Variants in TESC observed in about 807,000 individuals in gnomAD.
The protein encoded by TESC is calcineurin B homologous protein 3.
In TESC, 19 loss-of-function variants were observed where a neutral mutation model predicts 31.0. The observed-to-expected ratio is 0.61, with a 90% CI of 0.43 to 0.90. TESC has a LOEUF of 0.90. Among genes scored for constraint, TESC ranks in the 40% least tolerant of loss-of-function variants. The pLI is 0.00. For synonymous variants in TESC, 109 were observed against 114.8 expected, an observed-to-expected ratio of 0.95 and a Z score of 0.32; for missense variants, 248 against 303.8, an observed-to-expected ratio of 0.82 and a Z score of 1.36.
chr12:117,098,240 G>C (rs1955421237), intron 1 of TESC, among the ~76,000 whole-genome samples: 2 of 152,202 alleles, frequency 1.3e-5, no homozygotes, highest in South Asian at 4.1e-4. Flanking sequence ...TTTCCTGAGC[G>C]TCTACCAGGT....
chr12:117,048,424 AG>A (rs1277076139), intron 4 of TESC, among the ~76,000 whole-genome samples: 1 of 152,200 alleles, frequency 6.6e-6, no homozygotes, highest in Non-Finnish European at 1.5e-5. Context: ...GAGGGATGTC[AG>A]GAGTCATGGG....
intron 2 of TESC, among the ~76,000 whole-genome samples, chr12:117,064,472 C>T (rs543274616): frequency 1.2e-4 from 18 of 152,324 alleles, no homozygotes; most frequent in African/African-American, 3.6e-4. Flanking sequence ...GTCAGTCCCC[C>T]ACTTTCCCCA....
At chr12:117,083,205 C>A (rs1044395903) in intron 1 of TESC, among the ~76,000 whole-genome samples, 24 of 152,262 alleles carry the variant, frequency 1.6e-4, no homozygotes, top group Admixed American at 5.2e-4. Context: ...CCTGCCTCAG[C>A]CTCCCCGCAC....
intron 7 of TESC, among the ~76,000 whole-genome samples, chr12:117,040,951 ACTTC>A (rs1187464486): frequency 8.1e-6 from 1 of 124,026 alleles, no homozygotes; most frequent in African/African-American, 3.3e-5. Flanking sequence ...TGCTCCCCTG[ACTTC>A]CTTGTCTTCC....
At chr12:117,097,529 G>A (rs1043017299) in intron 1 of TESC, among the ~76,000 whole-genome samples, 2 of 152,210 alleles carry the variant, frequency 1.3e-5, no homozygotes, top group Non-Finnish European at 2.9e-5. Flanking sequence ...ATTCAAAGCA[G>A]TGGGAGGCGA....
chr12:117,059,805 T>TGGTCAGGA (rs993338098), intron 2 of TESC, among the ~76,000 whole-genome samples: 101 of 152,288 alleles, frequency 6.6e-4, no homozygotes, highest in African/African-American at 2.2e-3. Flanking sequence ...TTGGCCAGGC[T>TGGTCAGGA]GGTCTCAAAC....
chr12:117,075,885 A>ATATATATATATATATATATGTGTGTG (rs1565971489), intron 1 of TESC, among the ~76,000 whole-genome samples: 1 of 46,258 alleles, frequency 2.2e-5, no homozygotes, highest in East Asian at 4.1e-4. Flanking sequence ...GTATATATAT[A>ATATATATATATATATATATGTGTGTG]TATATATATA....
At chr12:117,066,196 T>C (rs1178034827) in intron 2 of TESC, among the ~76,000 whole-genome samples, 1 of 138,890 alleles carries the variant, frequency 7.2e-6, no homozygotes, top group African/African-American at 2.9e-5. Context: ...TTTCCTTCCT[T>C]TAGCTTTTTT....
At chr12:117,075,822 GCC>G (rs2135785189) in intron 1 of TESC, among the ~76,000 whole-genome samples, 1 of 133,186 alleles carries the variant, frequency 7.5e-6, no homozygotes, top group Admixed American at 8.0e-5. Flanking sequence ...GTGTCACCAT[GCC>G]CGGCTAATTT....
chr12:117,075,303 A>G lies in TESC; in HGVS notation c.96T>C (p.Phe32=), dbSNP rs1270178483. ...SDQIEQLHRR[F]KQLSGDQPTI... ...TAGGCTGATCTCCACTCAGCTGCTT[A>G]AATCTCCGATGGAGCTGCTCGATCT... Residue 32 remains phenylalanine (F), a synonymous_variant, in exon 2 of 8, where the codon TTT becomes TTC. Coordinates refer to ENST00000335209, the MANE Select transcript of TESC (RefSeq NM_017899.4). The G allele has an allele frequency of 6.2e-7, 1 of 1,612,024 alleles. No individual in the cohort carries two copies. Among genetic ancestry groups the G allele is most frequent in the Non-Finnish European group, 8.5e-7 (1 of 1,179,966 alleles).
intron 1 of TESC, among the ~76,000 whole-genome samples, chr12:117,093,978 GA>G (rs1290678801): frequency 1.3e-5 from 2 of 152,046 alleles, no homozygotes; most frequent in Non-Finnish European, 2.9e-5. Flanking sequence ...TCAAGGTGGT[GA>G]AGGACAACTG....
At chr12:117,085,493 C>T (rs959671429) in intron 1 of TESC, among the ~76,000 whole-genome samples, 2 of 152,148 alleles carry the variant, frequency 1.3e-5, no homozygotes, top group Non-Finnish European at 2.9e-5. Flanking sequence ...TTCTCCCGTG[C>T]CCCAGGGACT....
At chr12:117,043,009 C>T (rs574001419) in intron 6 of TESC, among the ~76,000 whole-genome samples, 1 of 151,950 alleles carries the variant, frequency 6.6e-6, no homozygotes, top group Non-Finnish European at 1.5e-5. Context: ...ATCTGTATGT[C>T]TCACTCTGGA....
At chr12:117,054,233 GCCT>G (rs1954689546) in intron 3 of TESC, among the ~76,000 whole-genome samples, 1 of 151,868 alleles carries the variant, frequency 6.6e-6, no homozygotes, top group Non-Finnish European at 1.5e-5. Flanking sequence ...CTCCTCCCTG[GCCT>G]CCACCTCCCA....
intron 1 of TESC, among the ~76,000 whole-genome samples, chr12:117,098,967 G>A (rs2135813028): frequency 6.6e-6 from 1 of 152,234 alleles, no homozygotes; most frequent in Non-Finnish European, 1.5e-5. Flanking sequence ...TCCCTCCCCG[G>A]TCCGCAGTCC....
At position 117,046,601 on chromosome 12, in the gene TESC, G is replaced by A. The variant is rs572866908; in HGVS notation, c.477C>T (p.Asp159=). 52 of 1,551,328 alleles carry A rather than the reference G, an allele frequency of 3.4e-5. No homozygotes were observed. The East Asian group carries it at 8.8e-4, about 26-fold the overall frequency. The change falls in exon 6 of 8, where the codon GAC becomes GAT. Residue 159 remains aspartate, a synonymous_variant. Coordinates refer to ENST00000335209, the MANE Select transcript of TESC (RefSeq NM_017899.4). ...IEKESARSIA[D]GAMMEAASVC... ...CGCTGGCCGCCTCCATCATGGCCCC[G>A]TCGGCGATGGAGCGAGCGGACTCCT... is the stretch of plus-strand genomic sequence containing the variant.
At chr12:117,081,586 T>G (rs1416009526) in intron 1 of TESC, among the ~76,000 whole-genome samples, 1 of 152,124 alleles carries the variant, frequency 6.6e-6, no homozygotes, top group Non-Finnish European at 1.5e-5. Flanking sequence ...ATGAGGGTAA[T>G]CAAGGTTGCC....
intron 2 of TESC, among the ~76,000 whole-genome samples, chr12:117,068,593 G>A (rs1387784283): frequency 6.6e-6 from 1 of 152,184 alleles, no homozygotes; most frequent in African/African-American, 2.4e-5. Context: ...AGGACATTTT[G>A]CTGACGCCCC....
chr12:117,047,903 C>A (rs1301346098), intron 4 of TESC, among the ~76,000 whole-genome samples: 1 of 152,022 alleles, frequency 6.6e-6, no homozygotes, highest in Non-Finnish European at 1.5e-5. Context: ...ACCACTATGC[C>A]GTGCTCATTT....
Sources: gnomAD v4.1 joint callset for allele counts (sites outside exome capture counted in the v4.1 genomes callset) on GRCh38, gnomAD v4.1.1 for gene constraint, MANE v1.5 for transcripts, NCBI Gene and HGNC (gene_info 2026-07-23, HGNC 2026-07-21) for gene names.